SLC25A40: variants seen among roughly 807,000 people sequenced by gnomAD.
SLC25A40 encodes the protein mitochondrial glutathione transporter SLC25A40.
Under a neutral mutation model 46.5 loss-of-function variants are expected in SLC25A40, and 41 were observed. That is an observed-to-expected ratio of 0.88 (90% confidence interval 0.69 to 1.14). The LOEUF is 1.14. Ranked by LOEUF, SLC25A40 falls within the 50% of genes most tolerant of loss-of-function variation. SLC25A40 has a pLI of 0.00. For synonymous variants in SLC25A40, 126 were observed against 127.5 expected (o/e 0.99, Z 0.08); for missense variants, 386 against 393.6 (o/e 0.98, Z 0.16).
At chr7:87,849,982 A>G (rs771164180) in intron 5 of SLC25A40, 34 bp from the exon 6 acceptor site, 4 of 1,363,582 alleles carry the variant, frequency 2.9e-6, no homozygotes, top group Non-Finnish European at 3.1e-6. Flanking sequence ...TAATCAAAAT[A>G]TATCTTTAAA....
At chr7:87,866,062 A>C (rs903511140) in intron 1 of SLC25A40, among the ~76,000 whole-genome samples, 4 of 151,848 alleles carry the variant, frequency 2.6e-5, no homozygotes, top group African/African-American at 9.7e-5. Context: ...CAGCCGAGGC[A>C]ATAGAACAAA....
At chr7:87,838,032 C>T (rs374565272) in intron 10 of SLC25A40, among the ~76,000 whole-genome samples, 1 of 151,404 alleles carries the variant, frequency 6.6e-6, no homozygotes. Context: ...CTCCAAATTT[C>T]ATTTATATAA....
At position 87,854,217 on chromosome 7, in the gene SLC25A40, A is replaced by C; in HGVS notation, c.251T>G (p.Phe84Cys). The C allele has an allele frequency of 6.2e-7, 1 of 1,609,636 alleles. No homozygotes were observed. The highest frequency in any genetic ancestry group is 8.5e-7 in the Non-Finnish European group (1 of 1,176,198). Reference sequence around the variant, plus strand: ...TAATCACCTTACCAATGTTCCCTGGAAATTTCCTGGCTTCTTATACCATAG... The same window carrying C: ...TAATCACCTTACCAATGTTCCCTGGCAATTTCCTGGCTTCTTATACCATAG... ...NKLWYKKPGN[F>C]QGTLDAFFKI... Residue 84 changes from phenylalanine (F) to cysteine (C), a missense_variant, in exon 5 of 12, where the codon TTC (phenylalanine) becomes TGC (cysteine). Transcript: ENST00000341119.
At chr7:87,867,075 A>G (rs1255156701) in intron 1 of SLC25A40, among the ~76,000 whole-genome samples, 2 of 152,226 alleles carry the variant, frequency 1.3e-5, no homozygotes, top group Non-Finnish European at 2.9e-5. Flanking sequence ...TTTTCCCAAC[A>G]TATGCCTTAG....
At chr7:87,843,502 A>C (rs1838366084) in intron 9 of SLC25A40, among the ~76,000 whole-genome samples, 1 of 152,104 alleles carries the variant, frequency 6.6e-6, no homozygotes, top group Non-Finnish European at 1.5e-5. Context: ...AAAATATTAT[A>C]ACTGTAATGA....
intron 9 of SLC25A40, among the ~76,000 whole-genome samples, chr7:87,843,527 A>C (rs1301934113): frequency 6.6e-6 from 1 of 152,066 alleles, no homozygotes; most frequent in Non-Finnish European, 1.5e-5. Flanking sequence ...ACAAATCCAA[A>C]AGTTTCTCAG....
intron 6 of SLC25A40, among the ~76,000 whole-genome samples, chr7:87,848,309 A>C (rs1005784968): frequency 1.3e-5 from 2 of 152,222 alleles, no homozygotes; most frequent in African/African-American, 2.4e-5. Flanking sequence ...CTGAGGAACA[A>C]GAATCACTTG....
At chr7:87,843,952 T>G in intron 8 of SLC25A40, 89 bp from the exon 9 acceptor site, 1 of 1,377,524 alleles carries the variant, frequency 7.3e-7, no homozygotes, top group Non-Finnish European at 9.5e-7. Flanking sequence ...ATTCAGGGGA[T>G]AGACAAATTC....
intron 6 of SLC25A40, among the ~76,000 whole-genome samples, 182 bp downstream of exon 6, chr7:87,849,699 A>G (rs1014397204): frequency 6.6e-5 from 10 of 152,200 alleles, no homozygotes; most frequent in Admixed American, 2.6e-4. Context: ...TAACCTCTTC[A>G]GGTCCTGCAA....
chr7:87,862,193 T>C (rs1430373968), intron 1 of SLC25A40, among the ~76,000 whole-genome samples: 1 of 152,184 alleles, frequency 6.6e-6, no homozygotes, highest in Admixed American at 6.5e-5. Context: ...TTCTCCTATG[T>C]GCAGACACTG....
chr7:87,859,537 A>G (rs1398492783), intron 2 of SLC25A40, among the ~76,000 whole-genome samples: 1 of 152,210 alleles, frequency 6.6e-6, no homozygotes, highest in African/African-American at 2.4e-5. Flanking sequence ...GTCTATACAC[A>G]CACATTACAT....
intron 10 of SLC25A40, among the ~76,000 whole-genome samples, chr7:87,841,103 GA>G (rs1021394312): frequency 6.7e-6 from 1 of 149,370 alleles, no homozygotes; most frequent in African/African-American, 2.4e-5. Context: ...ATAATGGGTA[GA>G]AAAAATTACA....
intron 3 of SLC25A40, among the ~76,000 whole-genome samples, chr7:87,857,484 A>G (rs1172691194): frequency 6.6e-6 from 1 of 152,222 alleles, no homozygotes; most frequent in African/African-American, 2.4e-5. Context: ...TAATAATATG[A>G]TGAAACATTC....
intron 2 of SLC25A40, chr7:87,860,101 G>C (rs1838674588): frequency 6.6e-6 from 1 of 152,156 alleles, no homozygotes; most frequent in Non-Finnish European, 1.5e-5. Flanking sequence ...GGGGACTGAG[G>C]CATGAGAATC....
At chr7:87,852,984 A>T (rs1428323283) in intron 5 of SLC25A40, among the ~76,000 whole-genome samples, 2 of 152,238 alleles carry the variant, frequency 1.3e-5, no homozygotes, top group African/African-American at 4.8e-5. Context: ...AGATATTAAT[A>T]AATTGAATTT....
chr7:87,836,607 G>A (rs925870101), intron 11 of SLC25A40, 123 bp downstream of exon 11: 3 of 563,052 alleles, frequency 5.3e-6, no homozygotes, highest in Non-Finnish European at 8.8e-6. Context: ...TTATAATAAA[G>A]ATATTTAGGA....
rs367840643 is a variant in SLC25A40 at position 87,836,031 on chromosome 7, A to G, written c.*218T>C. On this transcript the variant is annotated 3_prime_UTR_variant, in exon 12 of 12. Coordinates refer to ENST00000341119, the MANE Select transcript of SLC25A40 (RefSeq NM_018843.4). ...TAATCTATTTTTACAAGAATGCTCA[A>G]TGGTGGTGATTTCTAGAATATCTTT... 112 of 405,146 alleles carry G rather than the reference A, an allele frequency of 2.8e-4. No individual in the cohort carries two copies. In the East Asian group the frequency reaches 5.2e-3, roughly 19 times the overall value. The allele number at this position is 405,146 out of a possible 1,614,324, so 25.1% of individuals were successfully genotyped here. A position where few individuals can be genotyped will look rare whatever the true frequency, so the allele number is the denominator to read the frequency against.
intron 10 of SLC25A40, among the ~76,000 whole-genome samples, chr7:87,838,640 C>T (rs546889355): frequency 1.9e-4 from 28 of 151,312 alleles, no homozygotes; most frequent in African/African-American, 6.8e-4. Context: ...ATTTTTCCTC[C>T]TTCTCAAAGG....
At chr7:87,868,497 A>T (rs1383711095) in intron 1 of SLC25A40, among the ~76,000 whole-genome samples, 1 of 152,200 alleles carries the variant, frequency 6.6e-6, no homozygotes, top group Non-Finnish European at 1.5e-5. Flanking sequence ...ACCTTCAGTC[A>T]GAAGTCCATG....
Sources: gnomAD v4.1 joint callset for allele counts (sites outside exome capture counted in the v4.1 genomes callset) on GRCh38, gnomAD v4.1.1 for gene constraint, MANE v1.5 for transcripts, NCBI Gene and HGNC (gene_info 2026-07-23, HGNC 2026-07-21) for gene names.